RNF216: variants seen among roughly 807,000 people sequenced by gnomAD.
RNF216 encodes the protein E3 ubiquitin-protein ligase RNF216.
RNF216 carries 72 observed loss-of-function variants against 110.8 expected under a neutral mutation model. The ratio of observed to expected loss-of-function variants is 0.65; its 90% CI spans 0.54 to 0.79. RNF216 has a LOEUF of 0.79. Ranked by LOEUF, RNF216 falls within the 30% of genes least tolerant of loss-of-function variation. RNF216 has a pLI of 0.00. For missense variants in RNF216, 1,342 were observed against 1,141.2 expected, an observed-to-expected ratio of 1.18 and a Z score of -2.54; for synonymous variants, 495 against 407.5, an observed-to-expected ratio of 1.21 and a Z score of -2.59.
intron 14 of RNF216, among the ~76,000 whole-genome samples, chr7:5,642,966 G>A (rs1446511672): frequency 6.6e-6 from 1 of 152,004 alleles, no homozygotes; most frequent in African/African-American, 2.4e-5. Context: ...GGAGAGAAGA[G>A]GCTGTAAAGA....
chr7:5,676,167 G>A (rs1309656257), intron 13 of RNF216, among the ~76,000 whole-genome samples: 1 of 151,724 alleles, frequency 6.6e-6, no homozygotes, highest in Non-Finnish European at 1.5e-5. Context: ...ATGCCACCAG[G>A]CCCGGCTAAT....
intron 3 of RNF216, among the ~76,000 whole-genome samples, chr7:5,745,116 CTAA>C (rs1794965476): frequency 6.6e-6 from 1 of 152,266 alleles, no homozygotes; most frequent in South Asian, 2.1e-4. Context: ...GGAGAAAACA[CTAA>C]TATTAGCAAA....
rs1453782572 is a variant in RNF216, at chr7:5,624,345, G to C, written c.2383-220C>G. ...GTTCCACAAGGAGGCCATCCACAAG[G>C]CTGGGCAGAGGGGTCTGAGCATGGC... On this transcript the variant is annotated intron_variant, in intron 15 of 16. Coordinates refer to ENST00000389902, the MANE Select transcript of RNF216 (RefSeq NM_207111.4). This position sits in a 1 kb window ranked among gnomAD's most constrained non-coding sequence, Gnocchi z 4.4. 6.6e-6 allele frequency among the ~76,000 whole-genome samples: 1 copy of C among 152,216 alleles called. No homozygotes were observed. The highest frequency in any genetic ancestry group is 1.5e-5 in the Non-Finnish European group (1 of 68,040).
chr7:5,672,686 G>A (rs1040367685), intron 13 of RNF216, among the ~76,000 whole-genome samples: 1 of 152,096 alleles, frequency 6.6e-6, no homozygotes, highest in Non-Finnish European at 1.5e-5. Flanking sequence ...TAAGCACACT[G>A]GTGCTGGTAT....
At chr7:5,693,250 G>T (rs1232978322) in intron 13 of RNF216, among the ~76,000 whole-genome samples, 1 of 152,220 alleles carries the variant, frequency 6.6e-6, no homozygotes, top group African/African-American at 2.4e-5. Flanking sequence ...TAAAGGCAGA[G>T]TTAGGTAGCT....
In RNF216 at chr7:5,623,151, C is replaced by A; in HGVS notation, c.2481G>T (p.Pro827=). ...GCACCTTCTCCACAGGCTTCTCCAG[C>A]GGGGGTCCAATGCGTTTGAAGGTGT... ...GENTFKRIGP[P]LEKPVEKVQR... is the part of the protein sequence containing the mutation. The change falls in exon 17 of 17, where the codon CCG becomes CCT. Residue 827 remains proline, a synonymous_variant. Coordinates refer to ENST00000389902, the MANE Select transcript of RNF216 (RefSeq NM_207111.4). 3.2e-6 allele frequency: 5 copies of A among 1,579,510 alleles called. No individual in the cohort carries two copies. In the African/African-American group the frequency reaches 5.4e-5, roughly 17 times the overall value.
intron 15 of RNF216, among the ~76,000 whole-genome samples, chr7:5,626,533 A>T (rs370440591): frequency 1.8e-4 from 27 of 152,158 alleles, no homozygotes; most frequent in African/African-American, 6.5e-4. Flanking sequence ...CCTGGGCAAC[A>T]AAGTGAGATC....
At chr7:5,695,015 T>TA in intron 13 of RNF216, among the ~76,000 whole-genome samples, 1 of 152,148 alleles carries the variant, frequency 6.6e-6, no homozygotes, top group East Asian at 1.9e-4. Context: ...GGCTCAACTT[T>TA]AACTGAGCCA....
intron 10 of RNF216, among the ~76,000 whole-genome samples, chr7:5,715,604 T>C (rs554478553): frequency 6.6e-5 from 3 of 45,356 alleles, no homozygotes; most frequent in Non-Finnish European, 9.5e-5. Context: ...GGAGTGTGAA[T>C]GGGTCTATCG....
chr7:5,650,789 C>CA (rs1252223971), intron 14 of RNF216, among the ~76,000 whole-genome samples: 1 of 152,178 alleles, frequency 6.6e-6, no homozygotes. Context: ...ATAACCTCCC[C>CA]ATCTCAAGGT....
intron 15 of RNF216, among the ~76,000 whole-genome samples, chr7:5,627,095 C>T (rs772530931): frequency 2.0e-5 from 3 of 152,158 alleles, no homozygotes; most frequent in African/African-American, 4.8e-5. Context: ...TTATGGCCTT[C>T]GATGGCACAA....
Position 5,748,605 on chromosome 7 carries a change from TATACATACACACACACACACAC to T in RNF216, c.201+4219_201+4240del, listed in dbSNP as rs1562458398. On this transcript the variant is annotated intron_variant, in intron 3 of 16. Transcript: ENST00000389902. ...TTATAAGAATGCAGTATATTTTTTATATACATACACACACACACACACACACACACACACACACACACACACA... is the reference window on the plus strand; with the variant it reads ...TTATAAGAATGCAGTATATTTTTTATACACACACACACACACACACACACA... Among the ~76,000 whole-genome samples, 4 of 115,940 alleles carry T rather than the reference TATACATACACACACACACACAC, an allele frequency of 3.5e-5. 1 individual carries two copies. The highest frequency in any genetic ancestry group is 4.9e-4 in the East Asian group (2 of 4,054). 76.1% of individuals were successfully genotyped at this position (115,940 alleles called of 152,430 possible).
Position 5,705,706 on chromosome 7 carries a change from C to T in RNF216, c.2061+6055G>A, listed in dbSNP as rs530148351. Among the ~76,000 whole-genome samples the T allele has an allele frequency of 5.3e-5, 8 of 152,122 alleles. No individual in the cohort carries two copies. In the South Asian group the frequency reaches 8.3e-4, roughly 16 times the overall value. ...GGCAGATCACCTGAGGTCAGGAGTT[C>T]GAGACCAGACGGACCAACATGGAGA... On this transcript the variant is annotated intron_variant, in intron 13 of 16. Coordinates refer to ENST00000389902, the MANE Select transcript of RNF216 (RefSeq NM_207111.4).
At position 5,624,226 on chromosome 7, in the gene RNF216, A is replaced by G; in HGVS notation, c.2383-101T>C. On this transcript the variant is annotated intron_variant, in intron 15 of 16. Transcript: ENST00000389902. The surrounding 1 kb of genome is among the most constrained non-coding windows in gnomAD (Gnocchi z 4.4). ...CGCTTGTTGCTTATGGCCATGGAAC[A>G]AGCCCGAAGCCTGCTGCTGGCCAGT... 1 of 920,606 alleles carries G rather than the reference A, an allele frequency of 1.1e-6. No individual in the cohort carries two copies. The highest frequency in any genetic ancestry group is 1.7e-6 in the Non-Finnish European group (1 of 593,288). 57.0% of individuals were successfully genotyped at this position (920,606 alleles called of 1,614,324 possible).
chr7:5,775,045 C>G (rs1796700976), intron 1 of RNF216: 1 of 152,186 alleles, frequency 6.6e-6, no homozygotes, highest in African/African-American at 2.4e-5. Flanking sequence ...TGTGCCTGGC[C>G]TCTTTTCTTA....
intron 13 of RNF216, among the ~76,000 whole-genome samples, chr7:5,667,463 T>TG (rs1789603849): frequency 6.6e-6 from 1 of 152,218 alleles, no homozygotes; most frequent in South Asian, 2.1e-4. Context: ...CTAGTTACCC[T>TG]GGAGGTGACT....
chr7:5,649,128 TC>T (rs1257052003), intron 14 of RNF216, among the ~76,000 whole-genome samples: 1 of 152,134 alleles, frequency 6.6e-6, no homozygotes, highest in African/African-American at 2.4e-5. Context: ...ACGCCTGTAA[TC>T]CCAGTACTTT....
At chr7:5,639,592 C>T (rs1274875334) in intron 15 of RNF216, among the ~76,000 whole-genome samples, 1 of 151,262 alleles carries the variant, frequency 6.6e-6, no homozygotes, top group Non-Finnish European at 1.5e-5. Context: ...TCCTGAGTAG[C>T]TGGTATTACA....
intron 2 of RNF216, among the ~76,000 whole-genome samples, chr7:5,759,885 T>C (rs185039018): frequency 0.02 from 3,019 of 152,014 alleles, 46 homozygotes; most frequent in Non-Finnish European, 0.032. Flanking sequence ...CCCGCCTCGG[T>C]CTCCCAAAGT....
Sources: gnomAD v4.1 joint callset for allele counts (sites outside exome capture counted in the v4.1 genomes callset) on GRCh38, gnomAD v4.1.1 for gene constraint, Gnocchi (gnomAD v3.1) non-coding constraint, MANE v1.5 for transcripts, NCBI Gene and HGNC (gene_info 2026-07-23, HGNC 2026-07-21) for gene names.